Variants in GMDS observed in about 807,000 individuals in gnomAD.
GMDS encodes GDP-mannose 4,6-dehydratase, also known as GDP-mannose 4,6 dehydratase.
GMDS carries 20 observed loss-of-function variants against 49.9 expected under a neutral mutation model. The ratio of observed to expected loss-of-function variants is 0.40; its 90% CI spans 0.28 to 0.58. GMDS has a LOEUF of 0.58. Among genes scored for constraint, GMDS ranks in the 20% least tolerant of loss-of-function variants. The pLI, the probability that GMDS is intolerant of heterozygous loss-of-function variation, is 0.42. For synonymous variants in GMDS, 177 were observed against 178.6 expected (o/e 0.99, Z 0.07); for missense variants, 362 against 481.4 (o/e 0.75, Z 2.32).
chr6:2,093,759 C>CA (rs1773446627), intron 4 of GMDS, among the ~76,000 whole-genome samples: 2 of 150,176 alleles, frequency 1.3e-5, no homozygotes, highest in East Asian at 3.9e-4. Flanking sequence ...TATCTGATAA[C>CA]AGACTAGAAA....
intron 4 of GMDS, among the ~76,000 whole-genome samples, chr6:2,035,743 A>T (rs1337547903): frequency 6.6e-6 from 1 of 151,822 alleles, no homozygotes; most frequent in Non-Finnish European, 1.5e-5. Flanking sequence ...CTGGAGTGCA[A>T]TGGTGCAATC....
chr6:2,174,481 T>C (rs1778172268), intron 1 of GMDS, among the ~76,000 whole-genome samples: 1 of 152,228 alleles, frequency 6.6e-6, no homozygotes, highest in African/African-American at 2.4e-5. Context: ...TATTTTTTCA[T>C]CTTAAGTATT....
At chr6:1,995,702 T>C (rs938664936) in intron 4 of GMDS, among the ~76,000 whole-genome samples, 1 of 152,166 alleles carries the variant, frequency 6.6e-6, no homozygotes, top group African/African-American at 2.4e-5. Flanking sequence ...AAGACATTCC[T>C]GGTTACTTTC....
At chr6:1,745,869 A>C (rs1305308469) in intron 7 of GMDS, among the ~76,000 whole-genome samples, 1 of 152,224 alleles carries the variant, frequency 6.6e-6, no homozygotes, top group Non-Finnish European at 1.5e-5. Flanking sequence ...TCTGGATTAG[A>C]AGATAAATGA....
At chr6:1,843,822 T>G (rs1413822730) in intron 7 of GMDS, among the ~76,000 whole-genome samples, 1 of 152,126 alleles carries the variant, frequency 6.6e-6, no homozygotes. Flanking sequence ...AAGCCAACCT[T>G]TGCTGAGAAC....
chr6:2,160,695 C>A lies in GMDS; in HGVS notation c.103-35964G>T, dbSNP rs748027698. Among the ~76,000 whole-genome samples, 254 of 152,132 alleles carry A rather than the reference C, an allele frequency of 1.7e-3. 1 individual carries two copies. Among genetic ancestry groups the A allele is most frequent in the Non-Finnish European group, 3.2e-3 (218 of 67,984 alleles). On this transcript the variant is annotated intron_variant, in intron 1 of 10. Transcript: ENST00000380815. Reference sequence around the variant, plus strand: ...GAACTAGAGGTGCACACCACCACACCTGGCTAATTTTTTGTAGAGATGGAA... The same window carrying A: ...GAACTAGAGGTGCACACCACCACACATGGCTAATTTTTTGTAGAGATGGAA...
In GMDS at chr6:1,635,192, T is replaced by A. The variant is rs1239869510; in HGVS notation, c.988-10652A>T. Among the ~76,000 whole-genome samples the A allele has an allele frequency of 6.6e-6, 1 of 152,168 alleles. No homozygotes were observed. Among genetic ancestry groups the A allele is most frequent in the East Asian group, 1.9e-4 (1 of 5,182 alleles). On this transcript the variant is annotated intron_variant, in intron 9 of 10. Transcript: ENST00000380815. This position sits in a 1 kb window ranked among gnomAD's most constrained non-coding sequence, Gnocchi z 4.7. ...CATGGAGCACGCCTTCTTGTTTTGATCCTGATTTGAGGCCAAAGCCTCTCT... is the reference window on the plus strand; with the variant it reads ...CATGGAGCACGCCTTCTTGTTTTGAACCTGATTTGAGGCCAAAGCCTCTCT...
chr6:2,061,718 C>CAA (rs68037512), intron 4 of GMDS, among the ~76,000 whole-genome samples: 19,305 of 56,700 alleles, frequency 0.34, 3,754 homozygotes, highest in East Asian at 0.47. Context: ...GACTCTGTCT[C>CAA]AAAAAAAAAA....
At chr6:1,813,223 T>TAAAAA (rs56705761) in intron 7 of GMDS, among the ~76,000 whole-genome samples, 2 of 85,290 alleles carry the variant, frequency 2.3e-5, no homozygotes, top group African/African-American at 1.0e-4. Flanking sequence ...CTCTGTCTCT[T>TAAAAA]AAAAAAAAAA....
chr6:1,830,570 C>A (rs1756575407), intron 7 of GMDS, among the ~76,000 whole-genome samples: 1 of 152,166 alleles, frequency 6.6e-6, no homozygotes, highest in African/African-American at 2.4e-5. Flanking sequence ...AAGCCCTAAG[C>A]AGTGAGTGGT....
intron 4 of GMDS, among the ~76,000 whole-genome samples, chr6:1,997,908 G>A (rs1002287505): frequency 3.3e-5 from 5 of 152,138 alleles, no homozygotes; most frequent in Non-Finnish European, 5.9e-5. Flanking sequence ...AGTAGGCAGG[G>A]GAAACGGCCT....
chr6:1,855,729 G>A (rs1160641923), intron 7 of GMDS, among the ~76,000 whole-genome samples: 1 of 152,088 alleles, frequency 6.6e-6, no homozygotes, highest in Non-Finnish European at 1.5e-5. Context: ...GGTTGACAAA[G>A]AAACAATATT....
intron 7 of GMDS, among the ~76,000 whole-genome samples, chr6:1,880,496 G>A (rs572127387): frequency 1.3e-5 from 2 of 152,108 alleles, no homozygotes; most frequent in South Asian, 2.1e-4. Context: ...AAATGTAAGT[G>A]AGCTACGTTG....
intron 9 of GMDS, among the ~76,000 whole-genome samples, chr6:1,642,303 A>G (rs934406567): frequency 6.6e-6 from 1 of 151,728 alleles, no homozygotes; most frequent in Non-Finnish European, 1.5e-5. Context: ...AGCAGCTGGG[A>G]CTACAGGAAT....
chr6:2,173,659 G>C (rs1464105276), intron 1 of GMDS, among the ~76,000 whole-genome samples: 2 of 152,286 alleles, frequency 1.3e-5, no homozygotes, highest in East Asian at 3.9e-4. Context: ...ATAATTCCCT[G>C]ATTGCTTATA....
chr6:1,878,043 G>T (rs554276753), intron 7 of GMDS, among the ~76,000 whole-genome samples: 2 of 152,136 alleles, frequency 1.3e-5, no homozygotes, highest in East Asian at 1.9e-4. Context: ...GCTGGGCGCG[G>T]TGGCTCACGC....
intron 7 of GMDS, among the ~76,000 whole-genome samples, chr6:1,746,663 T>C (rs1464096453): frequency 6.6e-6 from 1 of 151,738 alleles, no homozygotes; most frequent in African/African-American, 2.4e-5. Flanking sequence ...CAAATCCAAT[T>C]TGGAGAAGTA....
At chr6:2,162,861 C>T (rs1009618385) in intron 1 of GMDS, among the ~76,000 whole-genome samples, 2 of 152,166 alleles carry the variant, frequency 1.3e-5, no homozygotes, top group African/African-American at 4.8e-5. Context: ...GAGTTCCCTC[C>T]TGCTCTCCAA....
At chr6:1,698,636 G>A (rs1462453987) in intron 9 of GMDS, among the ~76,000 whole-genome samples, 2 of 152,136 alleles carry the variant, frequency 1.3e-5, no homozygotes, top group South Asian at 2.1e-4. Context: ...TGGTATTGAG[G>A]TGGAGACGCT....
Sources: allele counts gnomAD v4.1 joint callset (sites outside exome capture counted in the v4.1 genomes callset), GRCh38; gene constraint gnomAD v4.1.1; non-coding constraint Gnocchi (gnomAD v3.1); transcripts MANE v1.5; gene names NCBI Gene and HGNC (gene_info 2026-07-23, HGNC 2026-07-21).